The following CCDC141 variants were observed in gnomAD, a reference collection of about 807,000 sequenced individuals.
The protein encoded by CCDC141 is coiled-coil domain containing 141, also known as coiled-coil domain-containing protein 141.
A neutral mutation model predicts 181.0 loss-of-function variants in CCDC141; 168 were observed. The ratio of observed to expected loss-of-function variants is 0.93; its 90% CI spans 0.82 to 1.05. CCDC141 has a LOEUF of 1.05. CCDC141 is among the 50% of genes least tolerant of loss of function. The pLI is 0.00. For missense variants in CCDC141, 1,902 were observed against 1,788.5 expected (o/e 1.06, Z -1.14); for synonymous variants, 666 against 642.3 (o/e 1.04, Z -0.56).
chr2:178,876,045 A>G (rs1686345131), intron 12 of CCDC141: 1 of 152,238 alleles, frequency 6.6e-6, no homozygotes, highest in South Asian at 2.1e-4. Context: ...GTGCTTAAGA[A>G]TCATGTTGAA....
chr2:178,920,695 T>TAC (rs59015092), intron 6 of CCDC141, among the ~76,000 whole-genome samples: 30,385 of 146,572 alleles, frequency 0.21, 3,346 homozygotes, highest in East Asian at 0.42. Context: ...CTGAACTCCA[T>TAC]ACACACACAC....
At position 178,956,899 on chromosome 2, in the gene CCDC141, G is replaced by C. The variant is rs147235039; in HGVS notation, c.780+4331C>G. Among the ~76,000 whole-genome samples the C allele has an allele frequency of 4.9e-4, 74 of 149,830 alleles. 2 individuals are homozygous for C. The East Asian group carries it at 0.013, about 26-fold the overall frequency. ...ATGAGAAAGCTTTTTTTTTTTTTGAGATGGAGTTTTGTTCGTGTTGCCCGG... is the reference window on the plus strand; with the variant it reads ...ATGAGAAAGCTTTTTTTTTTTTTGACATGGAGTTTTGTTCGTGTTGCCCGG... On this transcript the variant is annotated intron_variant, in intron 5 of 23. Transcript: ENST00000443758.
chr2:178,896,941 T>A (rs565821057), intron 8 of CCDC141, among the ~76,000 whole-genome samples: 31 of 151,964 alleles, frequency 2.0e-4, no homozygotes, highest in Non-Finnish European at 1.5e-5. Context: ...CACTTTGTAG[T>A]CTTGTCTGAC....
intron 2 of CCDC141, among the ~76,000 whole-genome samples, chr2:179,031,519 T>A (rs2043000266): frequency 6.6e-6 from 1 of 152,028 alleles, no homozygotes; most frequent in Admixed American, 6.6e-5. Context: ...TCCATCATTC[T>A]GCTTGCTCTG....
chr2:178,817,661 C>A, the CCDC141 span: 1 of 414,574 alleles, frequency 2.4e-6, no homozygotes, highest in African/African-American at 2.1e-5. Flanking sequence ...TTTCTAGGAA[C>A]GTTAGAATTT....
intron 2 of CCDC141, among the ~76,000 whole-genome samples, chr2:178,991,798 T>C (rs1692068302): frequency 6.6e-6 from 1 of 151,962 alleles, no homozygotes; most frequent in African/African-American, 2.4e-5. Flanking sequence ...ACCCCATAAA[T>C]ATGTGCAATT....
At chr2:178,948,060 T>A (rs1285778117) in intron 5 of CCDC141, among the ~76,000 whole-genome samples, 1 of 151,648 alleles carries the variant, frequency 6.6e-6, no homozygotes, top group East Asian at 1.9e-4. Context: ...ATTAGCGGGG[T>A]GTGGTAGCAC....
chr2:178,963,260 C>A (rs546442837), intron 4 of CCDC141, among the ~76,000 whole-genome samples: 1 of 152,070 alleles, frequency 6.6e-6, no homozygotes, highest in South Asian at 2.1e-4. Flanking sequence ...GCCAAGTTAC[C>A]AGGTTGAGGA....
chr2:178,868,689 G>A (rs1313678603), intron 15 of CCDC141, among the ~76,000 whole-genome samples: 7 of 151,546 alleles, frequency 4.6e-5, no homozygotes, highest in Non-Finnish European at 8.8e-5. Context: ...GAGAGGGGGT[G>A]GGCGGGAAGC....
intron 5 of CCDC141, among the ~76,000 whole-genome samples, chr2:178,949,154 T>A (rs1427007493): frequency 6.6e-6 from 1 of 151,978 alleles, no homozygotes; most frequent in Non-Finnish European, 1.5e-5. Flanking sequence ...GTTGGAAGAG[T>A]GGGACGGTAT....
At chr2:178,828,511 T>G (rs1684157795), downstream of CCDC141, among the ~76,000 whole-genome samples, 1 of 152,146 alleles carries the variant, frequency 6.6e-6, no homozygotes, top group Non-Finnish European at 1.5e-5. Context: ...GTAATAGAAA[T>G]GAATAAAAAT....
intron 4 of CCDC141, among the ~76,000 whole-genome samples, chr2:178,970,222 A>G (rs1229693514): frequency 6.6e-6 from 1 of 152,232 alleles, no homozygotes; most frequent in African/African-American, 2.4e-5. Flanking sequence ...ATTCAATGCT[A>G]TCCTCATCAA....
At chr2:179,046,192 C>T (rs920063442) in intron 2 of CCDC141, among the ~76,000 whole-genome samples, 2 of 152,242 alleles carry the variant, frequency 1.3e-5, no homozygotes, top group Admixed American at 1.3e-4. Context: ...CTTTGAACCT[C>T]TTTGATCTTA....
In CCDC141 at chr2:178,905,374, G is replaced by A; in HGVS notation, c.1220C>T (p.Ala407Val). The part of the protein sequence containing the change: ...HRKIKDCTTD[A>V]LQKGQTLISQ... ...GATTAAGGTTTGTCCCTTTTGCAAA[G>A]CATCAGTTGTGCAGTCTTTAATTTT... The change falls in exon 8 of 24, where the codon GCT becomes GTT. Residue 407 changes from alanine to valine, a missense_variant. Transcript: ENST00000443758. 11 of 1,550,470 alleles carry A rather than the reference G, an allele frequency of 7.1e-6. No homozygotes were observed. The highest frequency in any genetic ancestry group is 9.6e-6 in the Non-Finnish European group (11 of 1,146,876).
rs1195242163 is a variant in CCDC141, at chr2:179,013,604, G to GA, written c.225+33679dup. Among the ~76,000 whole-genome samples, 5 of 152,144 alleles carry GA rather than the reference G, an allele frequency of 3.3e-5. 1 individual carries two copies. Among genetic ancestry groups the GA allele is most frequent in the South Asian group, 4.2e-4 (2 of 4,788 alleles). ...ACCAGCATCATTCTTTACAGAATTA[G>GA]AAAAAACAATTCTAAAATTCACATG... On this transcript the variant is annotated intron_variant, in intron 2 of 23. Transcript: ENST00000443758.
chr2:179,022,251 T>C (rs532869757), intron 2 of CCDC141, among the ~76,000 whole-genome samples: 81 of 152,270 alleles, frequency 5.3e-4, no homozygotes, highest in African/African-American at 1.9e-3. Flanking sequence ...TTATCAAGAA[T>C]ACCATTGTGT....
At chr2:178,894,013 G>A (rs1022106939) in intron 8 of CCDC141, among the ~76,000 whole-genome samples, 4 of 152,122 alleles carry the variant, frequency 2.6e-5, no homozygotes, top group African/African-American at 9.7e-5. Context: ...GGGTACCATT[G>A]CTAGGATTCT....
chr2:178,932,408 T>C (rs1037897108), intron 6 of CCDC141, among the ~76,000 whole-genome samples: 2 of 152,124 alleles, frequency 1.3e-5, no homozygotes, highest in Non-Finnish European at 2.9e-5. Context: ...TGCCTGGGAG[T>C]GTCCCATTCA....
At chr2:178,853,985 T>A (rs1685276757) in intron 19 of CCDC141, among the ~76,000 whole-genome samples, 1 of 152,056 alleles carries the variant, frequency 6.6e-6, no homozygotes, top group Non-Finnish European at 1.5e-5. Flanking sequence ...CTAAAAAGAA[T>A]CCAAATACAT....
Sources: gnomAD v4.1 joint callset for allele counts (sites outside exome capture counted in the v4.1 genomes callset) on GRCh38, gnomAD v4.1.1 for gene constraint, MANE v1.5 for transcripts, NCBI Gene and HGNC (gene_info 2026-07-23, HGNC 2026-07-21) for gene names.